The following KMT2C variants were observed in gnomAD, a reference collection of about 807,000 sequenced individuals.
KMT2C encodes the protein lysine methyltransferase 2C.
KMT2C carries 88 observed loss-of-function variants against 507.9 expected under a neutral mutation model. The ratio of observed to expected loss-of-function variants is 0.17; its 90% CI spans 0.15 to 0.21. The LOEUF is 0.21. Ranked by LOEUF, KMT2C falls within the 10% of genes least tolerant of loss-of-function variation. KMT2C has a pLI of 1.00. For missense variants in KMT2C, 4,954 were observed against 5,957.8 expected, an observed-to-expected ratio of 0.83 and a Z score of 5.55; for synonymous variants, 2,049 against 2,080.8, an observed-to-expected ratio of 0.98 and a Z score of 0.42.
intron 6 of KMT2C, among the ~76,000 whole-genome samples, chr7:152,299,364 T>A (rs1356413346): frequency 7.0e-6 from 1 of 143,800 alleles, no homozygotes; most frequent in African/African-American, 2.7e-5. Context: ...AGTAAAAGAA[T>A]CCAAGAAGAC....
intron 58 of KMT2C, 90 bp from the exon 59 acceptor site, chr7:152,137,014 A>C (rs1371204819): frequency 4.1e-6 from 4 of 970,312 alleles, no homozygotes; most frequent in Non-Finnish European, 6.4e-6. Flanking sequence ...TAAAACCAGC[A>C]AACGAAACAG....
chr7:152,149,960 G>C (rs1231658897), intron 51 of KMT2C, among the ~76,000 whole-genome samples: 1 of 152,116 alleles, frequency 6.6e-6, no homozygotes, highest in Non-Finnish European at 1.5e-5. Context: ...TGTATTTTAA[G>C]ATCTAAATTT....
At chr7:152,184,888 G>A (rs879722881) in intron 34 of KMT2C, among the ~76,000 whole-genome samples, 1 of 152,166 alleles carries the variant, frequency 6.6e-6, no homozygotes, top group Non-Finnish European at 1.5e-5. Flanking sequence ...TCAAGTAGCT[G>A]AGACTACAGG....
chr7:152,310,111 A>G (rs774225514), intron 5 of KMT2C, 36 bp from the exon 6 acceptor site: 4 of 1,366,578 alleles, frequency 2.9e-6, no homozygotes, highest in Admixed American at 1.9e-5. Flanking sequence ...CAAATGAGCA[A>G]ACATTAAAAA....
intron 46 of KMT2C, among the ~76,000 whole-genome samples, chr7:152,154,724 A>G (rs989291740): frequency 3.3e-5 from 5 of 152,228 alleles, no homozygotes; most frequent in African/African-American, 1.2e-4. Flanking sequence ...ATTAGCATGT[A>G]ACATAGAGAG....
rs71198770 is a variant in KMT2C, at chr7:152,253,514, C to CAAAAAAAAA, written c.1300-808_1300-800dup. Among the ~76,000 whole-genome samples, 33 of 39,512 alleles carry CAAAAAAAAA rather than the reference C, an allele frequency of 8.4e-4. 1 individual carries two copies. The highest frequency in any genetic ancestry group is 2.1e-3 in the African/African-American group (27 of 12,820). 25.9% of individuals were successfully genotyped at this position (39,512 alleles called of 152,430 possible). On this transcript the variant is annotated intron_variant, in intron 9 of 58. Transcript: ENST00000262189. ...AGAAGGCAAAACACCTCTTTCTCTA[C>CAAAAAAAAA]AAAAAAAAAAAAAAAAAAAAAAAAA...
intron 9 of KMT2C, among the ~76,000 whole-genome samples, chr7:152,258,176 A>G (rs2095694505): frequency 6.6e-6 from 1 of 152,228 alleles, no homozygotes; most frequent in African/African-American, 2.4e-5. Context: ...ATGAGCTTGT[A>G]ACATCTTGTT....
Position 152,155,960 on chromosome 7 carries a change from A to G in KMT2C, c.11910T>C (p.Asp3970=). The G allele has an allele frequency of 6.2e-7, 1 of 1,610,698 alleles. No homozygotes were observed. The highest frequency in any genetic ancestry group is 8.5e-7 in the Non-Finnish European group (1 of 1,179,344). The change falls in exon 46 of 59, where the codon GAT becomes GAC. Residue 3970 remains aspartate, a synonymous_variant. Coordinates refer to ENST00000262189, the MANE Select transcript of KMT2C (RefSeq NM_170606.3). Reference sequence around the variant, plus strand: ...GTGGTGTTGGGAGGGAGGCTGGCACATCAACTGTCTTGGGGCCCTGAGCAA... The same window carrying G: ...GTGGTGTTGGGAGGGAGGCTGGCACGTCAACTGTCTTGGGGCCCTGAGCAA... ...RALAQGPKTV[D]VPASLPTPPH...
At chr7:152,153,956 C>A in intron 48 of KMT2C, 54 bp downstream of exon 48, 1 of 1,572,462 alleles carries the variant, frequency 6.4e-7, no homozygotes, top group South Asian at 1.1e-5. Flanking sequence ...CCTGACCCAT[C>A]TTTGAAAATT....
intron 1 of KMT2C, chr7:152,366,896 C>T (rs1469735895): frequency 4.9e-6 from 2 of 409,296 alleles, no homozygotes; most frequent in Non-Finnish European, 8.8e-6. Flanking sequence ...AGACGCGGCG[C>T]GAGCTGGCGC....
intron 6 of KMT2C, among the ~76,000 whole-genome samples, chr7:152,284,947 T>C (rs2096272387): frequency 6.6e-6 from 1 of 152,192 alleles, no homozygotes; most frequent in Non-Finnish European, 1.5e-5. Context: ...AATGGAACTC[T>C]CAGATCTCTA....
intron 23 of KMT2C, among the ~76,000 whole-genome samples, chr7:152,217,920 CT>C (rs1362851320): frequency 3.3e-5 from 5 of 152,048 alleles, no homozygotes; most frequent in African/African-American, 4.8e-5. Context: ...CTATGGAAAC[CT>C]TTTTCAGACA....
intron 40 of KMT2C, among the ~76,000 whole-genome samples, chr7:152,169,861 T>A (rs981746353): frequency 9.9e-5 from 15 of 152,086 alleles, no homozygotes; most frequent in African/African-American, 2.4e-4. Flanking sequence ...ATAAAAAAAA[T>A]AAATAAAAAG....
intron 6 of KMT2C, among the ~76,000 whole-genome samples, chr7:152,293,746 T>C (rs2129187804): frequency 6.6e-6 from 1 of 152,326 alleles, no homozygotes; most frequent in South Asian, 2.1e-4. Context: ...AATTTAACTG[T>C]TTTTAAATAG....
At position 152,324,983 on chromosome 7, in the gene KMT2C, GCTT is replaced by G. The variant is rs756565706; in HGVS notation, c.389+5615_389+5617del. ...GTAATGCTTACTGCCTTCTACAGAA[GCTT>G]CTTCTTATTGCATTGTTTTGCTTCA... On this transcript the variant is annotated intron_variant, in intron 3 of 58. Coordinates refer to ENST00000262189, the MANE Select transcript of KMT2C (RefSeq NM_170606.3). Among the ~76,000 whole-genome samples, 41 of 152,026 alleles carry G rather than the reference GCTT, an allele frequency of 2.7e-4. 1 individual carries two copies. The highest frequency in any genetic ancestry group is 4.4e-4 in the Non-Finnish European group (30 of 67,962).
chr7:152,435,114 G>A (rs186894784), intron 1 of KMT2C, among the ~76,000 whole-genome samples: 107 of 152,238 alleles, frequency 7.0e-4, no homozygotes, highest in African/African-American at 2.5e-3. Flanking sequence ...GCAAGTCGCT[G>A]ACAAACAAAA....
intron 7 of KMT2C, among the ~76,000 whole-genome samples, chr7:152,267,070 T>C (rs1588720955): frequency 6.6e-6 from 1 of 152,360 alleles, no homozygotes; most frequent in Non-Finnish European, 1.5e-5. Flanking sequence ...TCCCTTACTT[T>C]CATCTCATCC....
chr7:152,157,948 G>A, intron 44 of KMT2C: 1 of 1,300,814 alleles, frequency 7.7e-7, no homozygotes, highest in Non-Finnish European at 1.0e-6. Context: ...ACATTTAAGA[G>A]TAATGTACAT....
chr7:152,329,179 A>G (rs370883273), intron 3 of KMT2C, among the ~76,000 whole-genome samples: 7 of 152,170 alleles, frequency 4.6e-5, no homozygotes, highest in African/African-American at 1.7e-4. Flanking sequence ...AAGAACTCCA[A>G]AATTATAAAC....
Sources: gnomAD v4.1 joint callset for allele counts (sites outside exome capture counted in the v4.1 genomes callset) on GRCh38, gnomAD v4.1.1 for gene constraint, MANE v1.5 for transcripts, NCBI Gene and HGNC (gene_info 2026-07-23, HGNC 2026-07-21) for gene names.